Variants in TAB2 observed in about 807,000 individuals in gnomAD.
The protein encoded by TAB2 is TGF-beta-activated kinase 1 and MAP3K7-binding protein 2.
A neutral mutation model predicts 65.0 loss-of-function variants in TAB2; 3 were observed. The ratio of observed to expected loss-of-function variants is 0.05; its 90% confidence interval spans 0.02 to 0.12. The LOEUF is 0.12. Ranked by LOEUF, TAB2 falls within the 10% of genes least tolerant of loss-of-function variation. The pLI, the probability that TAB2 is intolerant of heterozygous loss-of-function variation, is 1.00. For missense variants in TAB2, 623 were observed against 840.3 expected (o/e 0.74, Z 3.20); for synonymous variants, 298 against 285.1 (o/e 1.05, Z -0.46).
chr6:149,305,077 G>A (rs370553385), intron 1 of TAB2, among the ~76,000 whole-genome samples: 1 of 151,862 alleles, frequency 6.6e-6, no homozygotes, highest in Non-Finnish European at 1.5e-5. Context: ...TTTTGTTATT[G>A]TTATTGTTAT....
chr6:149,310,598 C>A (rs1192754304), intron 1 of TAB2, among the ~76,000 whole-genome samples: 1 of 151,720 alleles, frequency 6.6e-6, no homozygotes, highest in Non-Finnish European at 1.5e-5. Context: ...TACATGATTA[C>A]CAATGAGACT....
chr6:149,411,282 A>G lies in TAB2; in HGVS notation c.*1563A>G, dbSNP rs1347024422. On this transcript the variant is annotated 3_prime_UTR_variant, in exon 7 of 7. Coordinates refer to ENST00000637181, the MANE Select transcript of TAB2 (RefSeq NM_001292034.3). ...AATGTTTGCAAGTGGCTGTGTTTTA[A>G]ATGGGATTATTACAGTTGATCTCTA... is the stretch of plus-strand genomic sequence containing the variant. 1 of 152,444 alleles carries G rather than the reference A, an allele frequency of 6.6e-6. No homozygotes were observed. Among genetic ancestry groups the G allele is most frequent in the Non-Finnish European group, 1.5e-5 (1 of 68,036 alleles). The allele number at this position is 152,444 out of a possible 1,614,324, so 9.4% of individuals were successfully genotyped here.
upstream of TAB2, chr6:149,317,636 G>A (rs1005093403): frequency 6.2e-6 from 1 of 160,166 alleles, no homozygotes; most frequent in South Asian, 1.5e-4. The surrounding 1 kb of genome is among the most constrained non-coding windows in gnomAD (Gnocchi z 4.7). Flanking sequence ...GAGCGCGAGG[G>A]GGGTGGGGGC....
Position 149,357,452 on chromosome 6 carries a change from C to CACAA in TAB2, c.-89-12454_-89-12453insAACA, listed in dbSNP as rs1447024457. Among the ~76,000 whole-genome samples the CACAA allele has an allele frequency of 1.3e-5, 2 of 148,612 alleles. 1 individual carries two copies. Among genetic ancestry groups the CACAA allele is most frequent in the East Asian group, 3.9e-4 (2 of 5,110 alleles). On this transcript the variant is annotated intron_variant, in intron 1 of 6. Coordinates refer to ENST00000637181, the MANE Select transcript of TAB2 (RefSeq NM_001292034.3). ...AAAAACACACACACACACACACACA[C>CACAA]ACACACACACACACATTTTAGCCTT... is the stretch of plus-strand genomic sequence containing the variant.
chr6:149,298,940 C>A (rs1035638943), intron 1 of TAB2, among the ~76,000 whole-genome samples: 1 of 152,200 alleles, frequency 6.6e-6, no homozygotes, highest in Non-Finnish European at 1.5e-5. Context: ...ATTCCTTCTG[C>A]TTATGTTAAT....
intron 1 of TAB2, among the ~76,000 whole-genome samples, chr6:149,280,509 T>C (rs1289837800): frequency 6.6e-6 from 1 of 152,196 alleles, no homozygotes; most frequent in Non-Finnish European, 1.5e-5. Flanking sequence ...AGCTAGAGGA[T>C]ACATTAAAAG....
rs532767340 is a variant in TAB2 at position 149,231,625 on chromosome 6, G to A, written c.-121+12849G>A. The stretch of plus-strand genomic sequence containing the variant: ...TCACTGCATATGTACATATGTAGAT[G>A]AGTCTAATTTCTCTTGAAAGAAGAA... On this transcript the variant is annotated intron_variant, in intron 1 of 1. Transcript: ENST00000606202. 1.2e-4 allele frequency among the ~76,000 whole-genome samples: 19 copies of A among 152,334 alleles called. No homozygotes were observed. The South Asian group carries it at 3.9e-3, about 32-fold the overall frequency.
intron 3 of TAB2, among the ~76,000 whole-genome samples, chr6:149,393,382 C>T (rs980189885): frequency 1.6e-4 from 24 of 152,170 alleles, no homozygotes; most frequent in African/African-American, 5.8e-4. Flanking sequence ...AGGTAAGCCA[C>T]ATCTTCAGCC....
intron 2 of TAB2, among the ~76,000 whole-genome samples, chr6:149,376,696 T>C (rs1478230385): frequency 2.6e-5 from 4 of 152,216 alleles, no homozygotes; most frequent in Admixed American, 6.5e-5. Context: ...CATGTACTCA[T>C]GTTACCTTTT....
chr6:149,291,847 T>A (rs938321919), intron 1 of TAB2, among the ~76,000 whole-genome samples: 2 of 151,956 alleles, frequency 1.3e-5, no homozygotes, highest in Non-Finnish European at 2.9e-5. Flanking sequence ...GGTGACAGAG[T>A]GTGACCCTGT....
chr6:149,397,360 G>A (rs945758825), intron 3 of TAB2, among the ~76,000 whole-genome samples: 50 of 151,810 alleles, frequency 3.3e-4, no homozygotes, highest in African/African-American at 1.2e-3. Context: ...AGAATCACTT[G>A]AACCCAGGAG....
chr6:149,362,543 G>A (rs1780886075), intron 1 of TAB2, among the ~76,000 whole-genome samples: 1 of 152,046 alleles, frequency 6.6e-6, no homozygotes. Context: ...CCAACACTGG[G>A]GATCACAGTT....
chr6:149,393,513 A>G (rs2114931324), intron 3 of TAB2, among the ~76,000 whole-genome samples: 1 of 152,274 alleles, frequency 6.6e-6, no homozygotes, highest in South Asian at 2.1e-4. Context: ...TGGCTCTTTC[A>G]AGTCTCCTAA....
At chr6:149,256,285 T>C (rs1406636370) in intron 1 of TAB2, among the ~76,000 whole-genome samples, 1 of 152,180 alleles carries the variant, frequency 6.6e-6, no homozygotes, top group Non-Finnish European at 1.5e-5. Context: ...CTAGAGGGCA[T>C]TGGAGTAAAG....
Position 149,308,375 on chromosome 6 carries a change from T to TA in TAB2, c.-120-69637dup, listed in dbSNP as rs529202992. 2.0e-3 allele frequency among the ~76,000 whole-genome samples: 304 copies of TA among 152,338 alleles called. 1 individual carries two copies. The highest frequency in any genetic ancestry group is 7.0e-3 in the African/African-American group (290 of 41,574). On this transcript the variant is annotated intron_variant, in intron 1 of 1. Coordinates refer to the TAB2 transcript ENST00000606202. The stretch of plus-strand genomic sequence containing the variant: ...TGCCAACACTGGAGTTTGGCTTTTT[T>TA]AAAAAATCTTTGCCATTAATAAACA...
At chr6:149,267,953 T>C (rs1355093376) in intron 1 of TAB2, among the ~76,000 whole-genome samples, 1 of 152,234 alleles carries the variant, frequency 6.6e-6, no homozygotes, top group African/African-American at 2.4e-5. Flanking sequence ...GGCACCACTA[T>C]AGGTAAATGT....
At chr6:149,350,033 G>A (rs986681140) in intron 1 of TAB2, among the ~76,000 whole-genome samples, 4 of 152,038 alleles carry the variant, frequency 2.6e-5, no homozygotes, top group Non-Finnish European at 4.4e-5. Flanking sequence ...CTGGGTTCAA[G>A]CGATTCTTTT....
intron 1 of TAB2, among the ~76,000 whole-genome samples, chr6:149,349,419 CAAA>C (rs369838005): frequency 3.7e-5 from 3 of 81,906 alleles, no homozygotes; most frequent in Non-Finnish European, 4.8e-5. Flanking sequence ...CACTCCGTCT[CAAA>C]AAAAAAAAAA....
rs1459517185 is a variant in TAB2 at position 149,378,220 on chromosome 6, C to G, written c.305C>G (p.Thr102Ser). The change falls in exon 3 of 7, where the codon ACT (threonine) becomes AGT (serine). Residue 102 changes from threonine (T) to serine (S), a missense_variant. Transcript: ENST00000637181. ...REGSRMNGSR[T>S]LTHSISDGQL... is the part of the protein sequence containing the mutation. Reference sequence around the variant, plus strand: ...GGAAGTAGGATGAATGGAAGTAGGACTCTAACGCACAGCATTAGTGATGGA... The same window carrying G: ...GGAAGTAGGATGAATGGAAGTAGGAGTCTAACGCACAGCATTAGTGATGGA... 6.2e-7 allele frequency: 1 copy of G among 1,614,194 alleles called. No individual in the cohort carries two copies. Among genetic ancestry groups the G allele is most frequent in the East Asian group, 2.2e-5 (1 of 44,878 alleles).
Sources: gnomAD v4.1 joint callset for allele counts (sites outside exome capture counted in the v4.1 genomes callset) on GRCh38, gnomAD v4.1.1 for gene constraint, Gnocchi (gnomAD v3.1) non-coding constraint, MANE v1.5 for transcripts, NCBI Gene and HGNC (gene_info 2026-07-23, HGNC 2026-07-21) for gene names.